SCYL3: variants seen among roughly 807,000 people sequenced by gnomAD.
SCYL3 encodes the protein protein-associating with the carboxyl-terminal domain of ezrin.
SCYL3 carries 35 observed loss-of-function variants against 73.8 expected under a neutral mutation model. The ratio of observed to expected loss-of-function variants is 0.47; its 90% CI spans 0.36 to 0.63. The LOEUF (loss-of-function observed/expected upper bound fraction) is 0.63. SCYL3 is among the 20% of genes least tolerant of loss of function. The probability of loss-of-function intolerance (pLI) is 0.00; values close to 1 mark genes in which losing one functional copy is unlikely to be tolerated. For synonymous variants in SCYL3, 277 were observed against 295.2 expected (o/e 0.94, Z 0.63); for missense variants, 712 against 798.9 (o/e 0.89, Z 1.31).
chr1:169,850,112 C>T lies in SCYL3; in HGVS notation c.*3601G>A. 4 of 598,772 alleles carry T rather than the reference C, an allele frequency of 6.7e-6. No homozygotes were observed. In the South Asian group the frequency reaches 8.4e-5, roughly 13 times the overall value. The allele number at this position is 598,772 out of a possible 1,614,324, so 37.1% of individuals were successfully genotyped here. A position where few individuals can be genotyped will look rare whatever the true frequency, so the allele number is the denominator to read the frequency against. On this transcript the variant is annotated 3_prime_UTR_variant, in exon 13 of 13. Transcript: ENST00000367771. ...TTAATTTTGTATTATCCTTAGGGAC[C>T]CTGAAGGAATCATGAGTTTATCACC...
rs551586973 is a variant in SCYL3 at position 169,855,948 on chromosome 1, A to G, written c.1313-984T>C. The G allele has an allele frequency of 8.7e-6, 14 of 1,611,622 alleles. No homozygotes were observed. The East Asian group carries it at 2.9e-4, about 33-fold the overall frequency. On this transcript the variant is annotated intron_variant, in intron 11 of 12. Coordinates refer to ENST00000367771, the MANE Select transcript of SCYL3 (RefSeq NM_020423.7). Reference sequence around the variant, plus strand: ...ACTGTGATGGCTGCAGACGACACACATAGGAGAATCTGAAGGTAAATAAAA... The same window carrying G: ...ACTGTGATGGCTGCAGACGACACACGTAGGAGAATCTGAAGGTAAATAAAA...
At position 169,851,673 on chromosome 1, in the gene SCYL3, AAG is replaced by A. The variant is rs1658360465; in HGVS notation, c.*2038_*2039del. ...AGAGTGATTTAATCCAGATTATACTAAGAGTATTTATAGATCAGTCCATGTGA... is the reference window on the plus strand; with the variant it reads ...AGAGTGATTTAATCCAGATTATACTAAGTATTTATAGATCAGTCCATGTGA... On this transcript the variant is annotated 3_prime_UTR_variant, in exon 13 of 13. Transcript: ENST00000367771. 3 of 876,960 alleles carry A rather than the reference AAG, an allele frequency of 3.4e-6. No individual in the cohort carries two copies. The South Asian group carries it at 5.2e-5, about 15-fold the overall frequency. 54.3% of individuals were successfully genotyped at this position (876,960 alleles called of 1,614,324 possible).
intron 2 of SCYL3, among the ~76,000 whole-genome samples, chr1:169,879,907 T>C (rs1026477874): frequency 1.3e-5 from 2 of 152,038 alleles, no homozygotes; most frequent in Non-Finnish European, 2.9e-5. Context: ...AGAATGAATA[T>C]GACAGAATAC....
At chr1:169,862,911 T>G in intron 9 of SCYL3, 114 bp from the exon 10 acceptor site, 1 of 995,476 alleles carries the variant, frequency 1.0e-6, no homozygotes, top group South Asian at 1.7e-5. Flanking sequence ...AGTACTCTTC[T>G]AAATTCTTTT....
At chr1:169,891,500 A>G (rs1662084485) in intron 1 of SCYL3, among the ~76,000 whole-genome samples, 1 of 152,218 alleles carries the variant, frequency 6.6e-6, no homozygotes, top group Admixed American at 6.5e-5. Context: ...CTGCCTGAAA[A>G]GCCAGTCAGA....
chr1:169,869,274 C>T (rs1006120843), intron 6 of SCYL3: 1 of 506,426 alleles, frequency 2.0e-6, no homozygotes, highest in Non-Finnish European at 3.6e-6. Flanking sequence ...TATACCCTCT[C>T]ATTTCCTGAT....
intron 11 of SCYL3, chr1:169,856,067 T>C (rs905134683): frequency 3.3e-6 from 3 of 907,704 alleles, no homozygotes; most frequent in South Asian, 1.7e-5. Context: ...TTTATACATA[T>C]AAAGGATAAA....
chr1:169,861,487 T>C (rs1386601092), intron 10 of SCYL3, among the ~76,000 whole-genome samples: 1 of 152,198 alleles, frequency 6.6e-6, no homozygotes, highest in Non-Finnish European at 1.5e-5. Flanking sequence ...CAAGGAGCCA[T>C]TTTGGATGTG....
Position 169,893,610 on chromosome 1 carries a change from C to A in SCYL3, c.-51+178G>T, listed in dbSNP as rs998743356. 2.0e-5 allele frequency among the ~76,000 whole-genome samples: 3 copies of A among 151,960 alleles called. No homozygotes were observed. The East Asian group carries it at 5.8e-4, about 29-fold the overall frequency. On this transcript the variant is annotated intron_variant, in intron 1 of 12. Coordinates refer to ENST00000367771, the MANE Select transcript of SCYL3 (RefSeq NM_020423.7). ...CACAATCAGCAAGGGGAGGCTGCTC[C>A]GAAGCTGAGAGCACAGCTCAACCGG...
chr1:169,870,067 C>G (rs529018090), intron 6 of SCYL3, among the ~76,000 whole-genome samples, 188 bp downstream of exon 6: 1 of 152,304 alleles, frequency 6.6e-6, no homozygotes, highest in Admixed American at 6.5e-5. Context: ...TTCTTTTCAC[C>G]ATGCAAACTA....
chr1:169,853,675 G>A lies in SCYL3; in HGVS notation c.*38C>T. The A allele has an allele frequency of 6.2e-7, 1 of 1,601,894 alleles. No individual in the cohort carries two copies. Among genetic ancestry groups the A allele is most frequent in the Non-Finnish European group, 8.5e-7 (1 of 1,173,356 alleles). ...GAGGTATTGATTTTTTTTAAAAAAAGGGAATCCTTTTTCCTAAAGTTTAAC... is the reference window on the plus strand; with the variant it reads ...GAGGTATTGATTTTTTTTAAAAAAAAGGAATCCTTTTTCCTAAAGTTTAAC... On this transcript the variant is annotated 3_prime_UTR_variant, in exon 13 of 13. Coordinates refer to ENST00000367771, the MANE Select transcript of SCYL3 (RefSeq NM_020423.7).
At chr1:169,883,370 A>C (rs1162124853) in intron 2 of SCYL3, among the ~76,000 whole-genome samples, 2 of 152,136 alleles carry the variant, frequency 1.3e-5, no homozygotes, top group East Asian at 3.9e-4. Flanking sequence ...TCTGCAGCCT[A>C]GGGGTTGGGG....
chr1:169,885,094 C>T (rs1191301870), intron 2 of SCYL3, among the ~76,000 whole-genome samples: 3 of 152,332 alleles, frequency 2.0e-5, no homozygotes, highest in Admixed American at 6.5e-5. Flanking sequence ...GTCTTGAAAG[C>T]ACTTTCCCCA....
At chr1:169,868,285 A>C (rs1660174518) in intron 7 of SCYL3, among the ~76,000 whole-genome samples, 1 of 152,242 alleles carries the variant, frequency 6.6e-6, no homozygotes, top group African/African-American at 2.4e-5. Context: ...TTTAAAACTA[A>C]CATAAGGTTG....
At chr1:169,890,967 T>G (rs1662041184) in intron 1 of SCYL3, among the ~76,000 whole-genome samples, 1 of 152,238 alleles carries the variant, frequency 6.6e-6, no homozygotes, top group South Asian at 2.1e-4. Flanking sequence ...AGGATTATGC[T>G]TAGCACTTGA....
At position 169,879,092 on chromosome 1, in the gene SCYL3, T is replaced by C. The variant is rs1425663429; in HGVS notation, c.166-273A>G. On this transcript the variant is annotated intron_variant, in intron 2 of 12. Coordinates refer to ENST00000367771, the MANE Select transcript of SCYL3 (RefSeq NM_020423.7). ...CATAAGAGCCCAGATCCCTCAACGA[T>C]TACTGCTATAAACTGAACAAAGTGC... Among the ~76,000 whole-genome samples the C allele has an allele frequency of 2.0e-5, 3 of 152,310 alleles. No homozygotes were observed. The East Asian group carries it at 5.8e-4, about 29-fold the overall frequency.
chr1:169,875,877 C>G (rs1018535924), intron 4 of SCYL3, 101 bp downstream of exon 4: 2 of 585,544 alleles, frequency 3.4e-6, no homozygotes, highest in Non-Finnish European at 2.8e-6. Flanking sequence ...GTCTCCAAAT[C>G]TAAGACCAAG....
chr1:169,853,535 T>A lies in SCYL3; in HGVS notation c.*178A>T, dbSNP rs1346210016. The A allele has an allele frequency of 1.6e-6, 1 of 641,298 alleles. No homozygotes were observed. The highest frequency in any genetic ancestry group is 2.7e-6 in the Non-Finnish European group (1 of 374,632). 39.7% of individuals were successfully genotyped at this position (641,298 alleles called of 1,614,324 possible). A position where few individuals can be genotyped will look rare whatever the true frequency, so the allele number is the denominator to read the frequency against. ...ACTGTGAGCCTCACCACCCAGGGCT[T>A]TTAGCCAGCACTCACAGTCAGTCTC... On this transcript the variant is annotated 3_prime_UTR_variant, in exon 13 of 13. Transcript: ENST00000367771.
At position 169,852,648 on chromosome 1, in the gene SCYL3, G is replaced by T; in HGVS notation, c.*1065C>A. 1 of 772,950 alleles carries T rather than the reference G, an allele frequency of 1.3e-6. No individual in the cohort carries two copies. The allele number at this position is 772,950 out of a possible 1,614,324, so 47.9% of individuals were successfully genotyped here. The stretch of plus-strand genomic sequence containing the variant: ...TTTACATATTTTTCTAGATGACTGT[G>T]TAGGGGTTTTGGGGTGCATCCTCCT... On this transcript the variant is annotated 3_prime_UTR_variant, in exon 13 of 13. Transcript: ENST00000367771.
Sources: gnomAD v4.1 joint callset for allele counts (sites outside exome capture counted in the v4.1 genomes callset) on GRCh38, gnomAD v4.1.1 for gene constraint, MANE v1.5 for transcripts, NCBI Gene and HGNC (gene_info 2026-07-23, HGNC 2026-07-21) for gene names.